P3H2: variants seen among roughly 807,000 people sequenced by gnomAD.
The protein encoded by P3H2 is leprecan-like 1.
In P3H2, 80 loss-of-function variants were observed where a neutral mutation model predicts 87.0. The observed-to-expected ratio is 0.92, with a 90% confidence interval of 0.77 to 1.11. The LOEUF (loss-of-function observed/expected upper bound fraction) is 1.11. Ranked by LOEUF, P3H2 falls within the 50% of genes least tolerant of loss-of-function variation. The pLI is 0.00. For synonymous variants in P3H2, 367 were observed against 359.3 expected, an observed-to-expected ratio of 1.02 and a Z score of -0.24; for missense variants, 1,001 against 923.9, an observed-to-expected ratio of 1.08 and a Z score of -1.08.
intron 1 of P3H2, among the ~76,000 whole-genome samples, chr3:190,093,220 C>T (rs2108987014): frequency 6.6e-6 from 1 of 152,302 alleles, no homozygotes; most frequent in African/African-American, 2.4e-5. Flanking sequence ...TAGTAGACGG[C>T]AGAGACATAG....
At chr3:189,974,945 A>G (rs1182400633) in intron 8 of P3H2, among the ~76,000 whole-genome samples, 1 of 152,126 alleles carries the variant, frequency 6.6e-6, no homozygotes, top group African/African-American at 2.4e-5. Flanking sequence ...CTACTTTTGC[A>G]TTTGTTTCTA....
intron 1 of P3H2, among the ~76,000 whole-genome samples, chr3:190,106,427 G>A (rs1711839399): frequency 6.6e-6 from 1 of 152,032 alleles, no homozygotes; most frequent in Admixed American, 6.6e-5. Flanking sequence ...TTCTGTACCT[G>A]TTATAGATGT....
At chr3:190,081,522 T>C (rs545291454) in intron 1 of P3H2, among the ~76,000 whole-genome samples, 1 of 152,192 alleles carries the variant, frequency 6.6e-6, no homozygotes, top group Non-Finnish European at 1.5e-5. Context: ...CTTCAAATTG[T>C]TTCAAGAAAA....
chr3:190,032,567 G>A (rs1725286120), intron 1 of P3H2, among the ~76,000 whole-genome samples: 1 of 152,150 alleles, frequency 6.6e-6, no homozygotes, highest in African/African-American at 2.4e-5. Flanking sequence ...AACACATGAA[G>A]GTCAACTTTG....
Position 190,049,940 on chromosome 3 carries a change from C to G in P3H2, c.481-54498G>C, listed in dbSNP as rs191704138. 2.6e-5 allele frequency among the ~76,000 whole-genome samples: 4 copies of G among 152,322 alleles called. No individual in the cohort carries two copies. The East Asian group carries it at 7.7e-4, about 29-fold the overall frequency. On this transcript the variant is annotated intron_variant, in intron 1 of 14. Transcript: ENST00000319332. ...TTCTTTATTGTGGAACTTTCAGAGTCTCTAATATGCTGATGCACATTGTAA... is the reference window on the plus strand; with the variant it reads ...TTCTTTATTGTGGAACTTTCAGAGTGTCTAATATGCTGATGCACATTGTAA...
At chr3:190,008,066 T>C (rs963310325) in intron 1 of P3H2, among the ~76,000 whole-genome samples, 3 of 150,984 alleles carry the variant, frequency 2.0e-5, no homozygotes, top group Non-Finnish European at 4.4e-5. Flanking sequence ...AATGCAGATA[T>C]TGAAATAGCT....
At chr3:190,061,904 A>G (rs929574799) in intron 1 of P3H2, among the ~76,000 whole-genome samples, 3 of 152,160 alleles carry the variant, frequency 2.0e-5, no homozygotes, top group African/African-American at 7.2e-5. Flanking sequence ...TTGGTAGAAC[A>G]CAAAACACAA....
intron 1 of P3H2, among the ~76,000 whole-genome samples, chr3:190,022,919 C>T (rs1455410918): frequency 3.9e-5 from 6 of 152,064 alleles, no homozygotes; most frequent in African/African-American, 1.4e-4. Flanking sequence ...TTCCACCTCC[C>T]GGGTTCACGC....
intron 1 of P3H2, among the ~76,000 whole-genome samples, chr3:190,112,185 G>A (rs1442950972): frequency 1.3e-5 from 2 of 152,286 alleles, no homozygotes; most frequent in East Asian, 3.9e-4. Context: ...GACTTGGAGG[G>A]AGTCTAGGTT....
At chr3:190,063,515 T>C (rs1358106909) in intron 1 of P3H2, among the ~76,000 whole-genome samples, 1 of 152,194 alleles carries the variant, frequency 6.6e-6, no homozygotes, top group Admixed American at 6.6e-5. Flanking sequence ...CTGCAGTTGC[T>C]TTCAGACTTC....
At chr3:189,989,149 C>A in intron 3 of P3H2, 111 bp from the exon 4 acceptor site, 8 of 1,285,268 alleles carry the variant, frequency 6.2e-6, no homozygotes, top group Non-Finnish European at 8.9e-6. Flanking sequence ...ACTGGAAGAC[C>A]AAATTATTAT....
At chr3:190,066,138 G>GGT (rs144807223) in intron 1 of P3H2, among the ~76,000 whole-genome samples, 9,137 of 122,108 alleles carry the variant, frequency 0.075, 599 homozygotes, top group African/African-American at 0.18. Context: ...AAGAAACTGT[G>GGT]GTGTGTATAT....
chr3:190,099,250 C>T (rs762116322), intron 1 of P3H2, among the ~76,000 whole-genome samples: 4 of 152,140 alleles, frequency 2.6e-5, no homozygotes, highest in Non-Finnish European at 2.9e-5. Flanking sequence ...GAAGAATAAA[C>T]TTCTGGCAAA....
chr3:190,002,406 C>CTT (rs567434383), intron 1 of P3H2, among the ~76,000 whole-genome samples: 19 of 141,622 alleles, frequency 1.3e-4, no homozygotes, highest in African/African-American at 4.4e-4. Context: ...TTTTTCTTTT[C>CTT]TTTTTTTTTT....
intron 1 of P3H2, among the ~76,000 whole-genome samples, chr3:190,099,289 A>G (rs946845207): frequency 1.3e-5 from 2 of 152,234 alleles, no homozygotes; most frequent in South Asian, 2.1e-4. Flanking sequence ...GCTGTAGGAT[A>G]TCACATAATG....
chr3:190,034,756 A>C (rs762112943), intron 1 of P3H2, among the ~76,000 whole-genome samples: 47 of 152,350 alleles, frequency 3.1e-4, no homozygotes, highest in Middle Eastern at 6.8e-3. Flanking sequence ...TATACATCAA[A>C]AATGGGAATT....
chr3:190,005,945 C>T (rs184500325), intron 1 of P3H2, among the ~76,000 whole-genome samples: 2 of 152,310 alleles, frequency 1.3e-5, no homozygotes, highest in Admixed American at 1.3e-4. Context: ...TCATACATTC[C>T]TCTGGCATCA....
intron 10 of P3H2, 50 bp from the exon 11 acceptor site, chr3:189,973,074 G>A (rs775100043): frequency 1.2e-5 from 18 of 1,553,526 alleles, no homozygotes; most frequent in Admixed American, 5.3e-5. Context: ...ATTGGAGGTC[G>A]TAAGAAAAAC....
At chr3:190,024,530 C>CAAAA (rs71635314) in intron 1 of P3H2, among the ~76,000 whole-genome samples, 4,074 of 50,032 alleles carry the variant, frequency 0.081, 252 homozygotes, top group Non-Finnish European at 0.11. Flanking sequence ...GGTTCCCTCT[C>CAAAA]AAAAAAAAAA....
Sources: gnomAD v4.1 joint callset for allele counts (sites outside exome capture counted in the v4.1 genomes callset) on GRCh38, gnomAD v4.1.1 for gene constraint, MANE v1.5 for transcripts, NCBI Gene and HGNC (gene_info 2026-07-23, HGNC 2026-07-21) for gene names.